The following ZNF454 variants were observed in gnomAD, a reference collection of about 807,000 sequenced individuals.
ZNF454 encodes the protein zinc finger protein 454.
A neutral mutation model predicts 48.2 loss-of-function variants in ZNF454; 30 were observed. The observed-to-expected ratio is 0.62, with a 90% CI of 0.47 to 0.84. ZNF454 has a LOEUF of 0.84. ZNF454 is among the 40% of genes least tolerant of loss of function. The pLI, the probability that ZNF454 is intolerant of heterozygous loss-of-function variation, is 0.00. For missense variants in ZNF454, 510 were observed against 623.1 expected (o/e 0.82, Z 1.93); for synonymous variants, 204 against 211.4 (o/e 0.97, Z 0.30).
chr5:178,972,445 C>T, the ZNF454 span, among the ~76,000 whole-genome samples: 1 of 151,680 alleles, frequency 6.6e-6, no homozygotes, highest in African/African-American at 2.4e-5. Context: ...GGCACTGTCC[C>T]TACTGCACCT....
At chr5:178,985,432 A>T in the ZNF454 span, 1 of 355,938 alleles carries the variant, frequency 2.8e-6, no homozygotes, top group Non-Finnish European at 5.4e-6. Flanking sequence ...CACTGGGCGC[A>T]GCGGCTCCCG....
chr5:178,953,167 G>A (rs1759624440), intron 4 of ZNF454, among the ~76,000 whole-genome samples: 1 of 152,030 alleles, frequency 6.6e-6, no homozygotes, highest in Non-Finnish European at 1.5e-5. Context: ...TATACGAAGT[G>A]AGGCTTAAAC....
At chr5:178,947,135 A>G (rs1759371683) in intron 4 of ZNF454, 149 bp downstream of exon 4, 2 of 669,756 alleles carry the variant, frequency 3.0e-6, no homozygotes, top group African/African-American at 1.8e-5. Flanking sequence ...CCTTGTTGCT[A>G]CTTTTGTTCC....
At chr5:178,956,719 ATTTT>A (rs1312239722) in intron 4 of ZNF454, among the ~76,000 whole-genome samples, 4 of 146,154 alleles carry the variant, frequency 2.7e-5, no homozygotes, top group African/African-American at 1.0e-4. Context: ...TTATTTATTT[ATTTT>A]GAGACGGAGT....
In ZNF454 at chr5:178,946,726, T is replaced by C. The variant is rs532213194; in HGVS notation, c.161-171T>C. ...GCAAGGAGGGGAACATGGGATAAGA[T>C]TGTGTCAGGCCTGAGTAATCTTTTC... On this transcript the variant is annotated intron_variant, in intron 3 of 4. Transcript: ENST00000519564. The surrounding 1 kb of genome is among the most constrained non-coding windows in gnomAD (Gnocchi z 4.5). 6.6e-6 allele frequency among the ~76,000 whole-genome samples: 1 copy of C among 152,218 alleles called. No individual in the cohort carries two copies. Among genetic ancestry groups the C allele is most frequent in the African/African-American group, 2.4e-5 (1 of 41,546 alleles).
At chr5:178,954,425 A>C (rs991283257) in intron 4 of ZNF454, among the ~76,000 whole-genome samples, 1 of 151,996 alleles carries the variant, frequency 6.6e-6, no homozygotes, top group African/African-American at 2.4e-5. Context: ...TGGACACCCT[A>C]GATTGGTCTT....
rs540998179 is a variant in ZNF454, at chr5:178,965,367, C to T, written c.963C>T (p.Ile321=). 6.2e-7 allele frequency: 1 copy of T among 1,614,038 alleles called. No homozygotes were observed. The highest frequency in any genetic ancestry group is 1.7e-5 in the Admixed American group (1 of 60,020). The stretch of plus-strand genomic sequence containing the variant: ...CACACCTTACCAAACACCAGAATAT[C>T]CACAGTGGAGAGAAACCCTATAAAT... The part of the protein sequence containing the change: ...CRAHLTKHQN[I]HSGEKPYKCN... Residue 321 remains isoleucine (I), a synonymous_variant, in exon 5 of 5, where the codon ATC becomes ATT. Transcript: ENST00000519564. The surrounding 1 kb of genome is among the most constrained non-coding windows in gnomAD (Gnocchi z 5.2).
the ZNF454 span, chr5:178,978,923 T>C: frequency 6.6e-6 from 1 of 152,090 alleles, no homozygotes; most frequent in Admixed American, 6.5e-5. Flanking sequence ...AGGAAAATCT[T>C]TAGGGAGCTG....
downstream of ZNF454, among the ~76,000 whole-genome samples, chr5:178,966,953 C>T (rs1471846176): frequency 6.6e-6 from 1 of 152,188 alleles, no homozygotes; most frequent in Non-Finnish European, 1.5e-5. Flanking sequence ...CCTATCACTG[C>T]CCCTATGGGG....
chr5:178,970,180 C>T (rs1256363054), downstream of ZNF454, among the ~76,000 whole-genome samples: 2 of 152,138 alleles, frequency 1.3e-5, no homozygotes, highest in Admixed American at 6.5e-5. Context: ...CAAAATTAAT[C>T]CAAGAACGCC....
At chr5:178,980,240 TAAAC>T in the ZNF454 span, 4,011 of 154,504 alleles carry the variant, frequency 0.026, 85 homozygotes, top group South Asian at 0.074. This position sits in a 1 kb window ranked among gnomAD's most constrained non-coding sequence, Gnocchi z 4.3. Flanking sequence ...ATACTGATCT[TAAAC>T]AGTGGTCAAT....
In ZNF454 at chr5:178,944,068, G is replaced by C. The variant is rs563051389; in HGVS notation, c.33+1244G>C. Among the ~76,000 whole-genome samples the C allele has an allele frequency of 6.6e-6, 1 of 152,172 alleles. No individual in the cohort carries two copies. The highest frequency in any genetic ancestry group is 1.5e-5 in the Non-Finnish European group (1 of 68,018). ...AAAGAATATGGACTGTGCTTTGAAG[G>C]AGACAGCATTCATTTGGGCATATAC... On this transcript the variant is annotated intron_variant, in intron 2 of 4. Transcript: ENST00000519564. The surrounding 1 kb of genome is among the most constrained non-coding windows in gnomAD (Gnocchi z 4.1).
At chr5:178,964,412 G>A (rs188518370) in intron 4 of ZNF454, among the ~76,000 whole-genome samples, 25 of 152,202 alleles carry the variant, frequency 1.6e-4, no homozygotes, top group Admixed American at 1.2e-3. Context: ...GAGCCACAAC[G>A]CCCAGCCACC....
At chr5:178,970,909 C>G (rs922599119), downstream of ZNF454, among the ~76,000 whole-genome samples, 4 of 152,184 alleles carry the variant, frequency 2.6e-5, no homozygotes, top group East Asian at 1.9e-4. Flanking sequence ...CCGAGCCCCC[C>G]ACAATGACCA....
the ZNF454 span, among the ~76,000 whole-genome samples, chr5:178,984,534 T>C: frequency 3.3e-5 from 5 of 151,848 alleles, no homozygotes; most frequent in African/African-American, 9.7e-5. Context: ...GAGGGTACAG[T>C]GTGGGGCGGG....
At chr5:178,984,385 C>T in the ZNF454 span, among the ~76,000 whole-genome samples, 36 of 152,322 alleles carry the variant, frequency 2.4e-4, 1 homozygote, top group Admixed American at 1.6e-3. Flanking sequence ...CCATGGCCGG[C>T]GCACTGGTGC....
chr5:178,966,587 T>G (rs1034383907), downstream of ZNF454, among the ~76,000 whole-genome samples: 11 of 152,138 alleles, frequency 7.2e-5, no homozygotes, highest in African/African-American at 2.7e-4. Flanking sequence ...CAAATTACAT[T>G]TTGACTATTA....
chr5:178,989,111 G>A, the ZNF454 span: 3 of 1,613,928 alleles, frequency 1.9e-6, no homozygotes, highest in African/African-American at 1.3e-5. Flanking sequence ...CTCGTAGGTG[G>A]AGTCCCGGCC....
chr5:178,967,657 A>G (rs968934355), downstream of ZNF454, among the ~76,000 whole-genome samples: 1 of 151,634 alleles, frequency 6.6e-6, no homozygotes, highest in African/African-American at 2.4e-5. Flanking sequence ...GGCAAGGGCC[A>G]TGTCCGTGTT....
Sources: gnomAD v4.1 joint callset for allele counts (sites outside exome capture counted in the v4.1 genomes callset) on GRCh38, gnomAD v4.1.1 for gene constraint, Gnocchi (gnomAD v3.1) non-coding constraint, MANE v1.5 for transcripts, NCBI Gene and HGNC (gene_info 2026-07-23, HGNC 2026-07-21) for gene names.